Variants in AUTS2 observed in about 807,000 individuals in gnomAD.
AUTS2 encodes the protein activator of transcription and developmental regulator AUTS2.
A neutral mutation model predicts 112.4 loss-of-function variants in AUTS2; 17 were observed. The ratio of observed to expected loss-of-function variants is 0.15; its 90% CI spans 0.10 to 0.23. The LOEUF is 0.23. AUTS2 is among the 10% of genes least tolerant of loss of function. The probability of loss-of-function intolerance (pLI) is 1.00; values close to 1 mark genes in which losing one functional copy is unlikely to be tolerated. For missense variants in AUTS2, 1,510 were observed against 1,701.6 expected, an observed-to-expected ratio of 0.89 and a Z score of 1.98; for synonymous variants, 751 against 702.7, an observed-to-expected ratio of 1.07 and a Z score of -1.09.
intron 1 of AUTS2, among the ~76,000 whole-genome samples, chr7:69,747,818 TGA>T (rs1466059537): frequency 6.7e-6 from 1 of 150,102 alleles, no homozygotes; most frequent in African/African-American, 2.5e-5. Context: ...TGTGTGTGTA[TGA>T]GAGAGAGAGA....
intron 5 of AUTS2, among the ~76,000 whole-genome samples, chr7:70,650,430 G>A (rs1313514767): frequency 2.0e-5 from 3 of 152,186 alleles, no homozygotes; most frequent in African/African-American, 7.2e-5. Context: ...GGGTCTGTCT[G>A]GGACCTTAAA....
At chr7:70,093,402 A>G (rs969463962) in intron 2 of AUTS2, among the ~76,000 whole-genome samples, 5 of 152,266 alleles carry the variant, frequency 3.3e-5, no homozygotes, top group Admixed American at 3.3e-4. Flanking sequence ...GCTCAGTAAT[A>G]CCCATGGGCC....
chr7:70,606,848 G>A (rs527735664), intron 5 of AUTS2, among the ~76,000 whole-genome samples: 15 of 146,824 alleles, frequency 1.0e-4, no homozygotes, highest in Admixed American at 4.1e-4. Context: ...GGCGACAAGC[G>A]AGACTCTGTC....
chr7:70,618,702 T>C lies in AUTS2; in HGVS notation c.691-79867T>C, dbSNP rs532763023. On this transcript the variant is annotated intron_variant, in intron 5 of 18. Coordinates refer to ENST00000342771, the MANE Select transcript of AUTS2 (RefSeq NM_015570.4). ...TGGAGTGGTTCCCATCTCTTTTTAATGCCTTTGGCAGGGGACAGACAGAGA... is the reference window on the plus strand; with the variant it reads ...TGGAGTGGTTCCCATCTCTTTTTAACGCCTTTGGCAGGGGACAGACAGAGA... 3.0e-4 allele frequency among the ~76,000 whole-genome samples: 45 copies of C among 148,014 alleles called. No individual in the cohort carries two copies. In the South Asian group the frequency reaches 9.7e-3, roughly 32 times the overall value.
intron 4 of AUTS2, among the ~76,000 whole-genome samples, chr7:70,156,891 TAAAAAAAAAAAAAAAAAAAAAAAAA>T (rs781281055): frequency 2.6e-5 from 1 of 37,852 alleles, no homozygotes; most frequent in South Asian, 1.6e-3. Flanking sequence ...CTACTAAAAG[TAAAAAAAAAAAAAAAAAAAAAAAAA>T]AAAAAAAAAA....
chr7:70,189,781 G>C (rs1411091126), intron 4 of AUTS2, among the ~76,000 whole-genome samples: 1 of 152,118 alleles, frequency 6.6e-6, no homozygotes, highest in Non-Finnish European at 1.5e-5. Flanking sequence ...AATTTTGACT[G>C]CACGATGAGC....
intron 4 of AUTS2, among the ~76,000 whole-genome samples, chr7:70,189,833 TA>T (rs1809792663): frequency 6.6e-6 from 1 of 152,192 alleles, no homozygotes. Context: ...CATTTCCAGC[TA>T]CATTGACTAT....
intron 4 of AUTS2, among the ~76,000 whole-genome samples, chr7:70,140,117 G>C (rs1388155486): frequency 6.6e-6 from 1 of 152,042 alleles, no homozygotes; most frequent in Non-Finnish European, 1.5e-5. Flanking sequence ...AAATTTTCTG[G>C]TTGTCTTATA....
intron 1 of AUTS2, among the ~76,000 whole-genome samples, chr7:69,872,985 G>A (rs1174451622): frequency 2.6e-5 from 4 of 151,032 alleles, no homozygotes; most frequent in African/African-American, 9.7e-5. Flanking sequence ...TGGGATTACA[G>A]GCACGCACCA....
chr7:70,550,983 G>A (rs1420338398), intron 5 of AUTS2, among the ~76,000 whole-genome samples: 1 of 152,100 alleles, frequency 6.6e-6, no homozygotes, highest in African/African-American at 2.4e-5. Context: ...TATGGTGCCA[G>A]AAAGTAAGGA....
chr7:69,973,513 T>C (rs945929562), intron 2 of AUTS2, among the ~76,000 whole-genome samples: 4 of 152,184 alleles, frequency 2.6e-5, no homozygotes, highest in African/African-American at 7.2e-5. Flanking sequence ...GTTCCTGATA[T>C]TTGGGGAAAA....
intron 5 of AUTS2, among the ~76,000 whole-genome samples, chr7:70,507,024 G>A (rs1798991877): frequency 6.6e-6 from 1 of 152,308 alleles, no homozygotes; most frequent in East Asian, 1.9e-4. Flanking sequence ...CACTGATGCT[G>A]AGTGAGCACC....
intron 4 of AUTS2, among the ~76,000 whole-genome samples, chr7:70,356,144 C>T (rs1791998538): frequency 6.6e-6 from 1 of 152,208 alleles, no homozygotes. Context: ...TTTGGCTCCT[C>T]TGGGACCCTG....
At chr7:70,340,098 A>G (rs1791187872) in intron 4 of AUTS2, among the ~76,000 whole-genome samples, 1 of 151,986 alleles carries the variant, frequency 6.6e-6, no homozygotes, top group South Asian at 2.1e-4. Context: ...AATAATACAT[A>G]CATAGTACTA....
chr7:70,588,942 C>CA (rs2129528143), intron 5 of AUTS2, among the ~76,000 whole-genome samples: 1 of 152,238 alleles, frequency 6.6e-6, no homozygotes, highest in South Asian at 2.1e-4. Flanking sequence ...GAAACCCTTC[C>CA]ATTCTGAGAT....
At chr7:70,011,924 C>G (rs780326466) in intron 2 of AUTS2, among the ~76,000 whole-genome samples, 1 of 152,042 alleles carries the variant, frequency 6.6e-6, no homozygotes, top group Non-Finnish European at 1.5e-5. Context: ...TGGGAGCCTC[C>G]TACACAGTGG....
Position 69,863,944 on chromosome 7 carries a change from C to T in AUTS2, c.310-35342C>T, listed in dbSNP as rs561282084. 2.6e-5 allele frequency among the ~76,000 whole-genome samples: 4 copies of T among 152,326 alleles called. No homozygotes were observed. The South Asian group carries it at 8.3e-4, about 32-fold the overall frequency. On this transcript the variant is annotated intron_variant, in intron 1 of 18. Coordinates refer to ENST00000342771, the MANE Select transcript of AUTS2 (RefSeq NM_015570.4). ...CCTGCTCTGAAACCTGTCCGTCTCT[C>T]AGGCTTGCAATCTGCCTTCCTGTCT...
intron 5 of AUTS2, among the ~76,000 whole-genome samples, chr7:70,503,603 T>C (rs1798851269): frequency 6.6e-6 from 1 of 150,428 alleles, no homozygotes; most frequent in South Asian, 2.1e-4. Context: ...GTTGCAGCCT[T>C]GAACTCCCAG....
intron 2 of AUTS2, among the ~76,000 whole-genome samples, chr7:70,094,141 C>T (rs959805296): frequency 2.0e-5 from 3 of 152,114 alleles, no homozygotes; most frequent in Non-Finnish European, 2.9e-5. Flanking sequence ...TAACCAACTA[C>T]GAAAATTTGC....
Sources: gnomAD v4.1 joint callset for allele counts (sites outside exome capture counted in the v4.1 genomes callset) on GRCh38, gnomAD v4.1.1 for gene constraint, MANE v1.5 for transcripts, NCBI Gene and HGNC (gene_info 2026-07-23, HGNC 2026-07-21) for gene names.